MROH2A: variants seen among roughly 807,000 people sequenced by gnomAD.
The protein encoded by MROH2A is maestro heat-like repeat-containing protein family member 2A.
MROH2A carries 174 observed loss-of-function variants against 200.4 expected under a neutral mutation model. That is an observed-to-expected ratio of 0.87 (90% confidence interval 0.77 to 0.98). The LOEUF (loss-of-function observed/expected upper bound fraction) is 0.98. MROH2A is among the 50% of genes least tolerant of loss of function. The probability of loss-of-function intolerance (pLI) is 0.00; values close to 1 mark genes in which losing one functional copy is unlikely to be tolerated. For missense variants in MROH2A, 2,045 were observed against 2,139.6 expected (o/e 0.96, Z 0.87); for synonymous variants, 829 against 840.4 (o/e 0.99, Z 0.23).
At position 233,820,264 on chromosome 2, in the gene MROH2A, C is replaced by T. The variant is rs1042498052; in HGVS notation, c.3512+208C>T. ...AGCCCAGGCTTGTAGAACTTCGCCA[C>T]ATGGAGCTGGAATCTGGACCCGTAG... On this transcript the variant is annotated intron_variant, in intron 31 of 41. Coordinates refer to ENST00000389758, the MANE Select transcript of MROH2A (RefSeq NM_001394639.1). This position sits in a 1 kb window ranked among gnomAD's most constrained non-coding sequence, Gnocchi z 4.1. Among the ~76,000 whole-genome samples the T allele has an allele frequency of 6.6e-6, 1 of 152,198 alleles. No homozygotes were observed. The highest frequency in any genetic ancestry group is 2.4e-5 in the African/African-American group (1 of 41,446).
At chr2:233,831,689 T>C (rs1445014802) in intron 39 of MROH2A, 149 bp downstream of exon 39, 5 of 897,564 alleles carry the variant, frequency 5.6e-6, no homozygotes, top group Non-Finnish European at 8.1e-6. Context: ...GCAGCAGAAA[T>C]AGAAGGCAAG....
At chr2:233,792,603 G>A (rs905371432) in intron 5 of MROH2A, among the ~76,000 whole-genome samples, 193 bp from the exon 6 acceptor site, 7 of 152,048 alleles carry the variant, frequency 4.6e-5, no homozygotes, top group South Asian at 2.1e-4. Flanking sequence ...GTGAGACACC[G>A]TGCCCTTCTA....
intron 3 of MROH2A, 57 bp downstream of exon 3, chr2:233,779,909 A>G: frequency 2.2e-6 from 3 of 1,334,592 alleles, no homozygotes; most frequent in South Asian, 2.7e-5. Context: ...GCATCCATCC[A>G]CCACCCAGCA....
rs1575935209 is a variant in MROH2A at position 233,795,988 on chromosome 2, C to T, written c.1081C>T (p.Gln361Ter). 1 of 1,550,614 alleles carries T rather than the reference C, an allele frequency of 6.4e-7. No homozygotes were observed. Among genetic ancestry groups the T allele is most frequent in the East Asian group, 2.4e-5 (1 of 40,912 alleles). The change falls in exon 10 of 42, where the codon CAG (glutamine) becomes TAG (stop). Residue 361 changes from glutamine (Q) to a stop codon, truncating the protein, a stop_gained. Coordinates refer to ENST00000389758, the MANE Select transcript of MROH2A (RefSeq NM_001394639.1). LOFTEE classifies it high-confidence loss of function. ...CCAGGTGTGCAACAAGGCCCCGGCC[C>T]AGCATCAGTACAGCAGCCAGAATCT... The part of the protein sequence containing the change: ...HVQVCNKAPA[Q>*]HQYSSQNLME...
rs956583744 is a variant in MROH2A at position 233,807,365 on chromosome 2, C to T, written c.2053-58C>T. 2 of 1,495,100 alleles carry T rather than the reference C, an allele frequency of 1.3e-6. No homozygotes were observed. The highest frequency in any genetic ancestry group is 2.3e-5 in the Admixed American group (1 of 43,206). 92.6% of individuals were successfully genotyped at this position (1,495,100 alleles called of 1,614,324 possible). ...ACGTAGAAAACTCTCTACAACAGCACCCCCTGAAGGCTGGCTGTAGGGAGG... is the reference window on the plus strand; with the variant it reads ...ACGTAGAAAACTCTCTACAACAGCATCCCCTGAAGGCTGGCTGTAGGGAGG... On this transcript the variant is annotated intron_variant, in intron 19 of 41. Coordinates refer to ENST00000389758, the MANE Select transcript of MROH2A (RefSeq NM_001394639.1). This position sits in a 1 kb window ranked among gnomAD's most constrained non-coding sequence, Gnocchi z 4.3.
rs539913024 is a variant in MROH2A, at chr2:233,798,706, T to C, written c.1253-68T>C. 1.7e-5 allele frequency: 20 copies of C among 1,153,190 alleles called. 1 individual carries two copies. In the South Asian group the frequency reaches 2.6e-4, roughly 15 times the overall value. 71.4% of individuals were successfully genotyped at this position (1,153,190 alleles called of 1,614,324 possible). On this transcript the variant is annotated intron_variant, in intron 11 of 41. Coordinates refer to ENST00000389758, the MANE Select transcript of MROH2A (RefSeq NM_001394639.1). ...GAGGAGACAGAACGTGAGGCCCTGA[T>C]GTGGGACGAGCCACCTGACCTCTCC...
intron 33 of MROH2A, 149 bp downstream of exon 33, chr2:233,822,705 G>A: frequency 8.9e-7 from 1 of 1,122,926 alleles, no homozygotes; most frequent in Non-Finnish European, 1.3e-6. Context: ...TCTCATGTGT[G>A]TCAAGCACGG....
At chr2:233,788,713 A>T (rs1470366638) in intron 3 of MROH2A, among the ~76,000 whole-genome samples, 4 of 151,746 alleles carry the variant, frequency 2.6e-5, no homozygotes, top group Non-Finnish European at 5.9e-5. Flanking sequence ...CGAGGCCGGC[A>T]GATCACGAGG....
chr2:233,779,119 A>G (rs994524463), intron 1 of MROH2A, among the ~76,000 whole-genome samples: 16 of 152,224 alleles, frequency 1.1e-4, no homozygotes, highest in African/African-American at 3.9e-4. Flanking sequence ...CTCATGTGGC[A>G]TAGTGTGATC....
Position 233,822,456 on chromosome 2 carries a change from C to T in MROH2A, c.3766C>T (p.Gln1256Ter). Residue 1256 changes from glutamine (Q) to a stop codon, truncating the protein, a stop_gained, in exon 33 of 42, where the codon CAG (glutamine) becomes TAG (stop). Coordinates refer to ENST00000389758, the MANE Select transcript of MROH2A (RefSeq NM_001394639.1). LOFTEE classifies it high-confidence loss of function. ...LPDLIYTLLL[Q>*]LGSSHRPEAA... Reference sequence around the variant, plus strand: ...TGACCTCATCTACACCCTCCTGCTGCAGCTTGGAAGCAGCCACCGACCAGA... The same window carrying T: ...TGACCTCATCTACACCCTCCTGCTGTAGCTTGGAAGCAGCCACCGACCAGA... 6.4e-7 allele frequency: 1 copy of T among 1,550,984 alleles called. No homozygotes were observed. Among genetic ancestry groups the T allele is most frequent in the Non-Finnish European group, 8.7e-7 (1 of 1,147,090 alleles).
chr2:233,800,222 G>C lies in MROH2A; in HGVS notation c.1467G>C (p.Lys489Asn), dbSNP rs11563246. Residue 489 changes from lysine to asparagine, a missense_variant, in exon 14 of 42, where the codon AAG becomes AAC. Lys to Asn is a moderately conservative substitution (Grantham distance 94). Coordinates refer to ENST00000389758, the MANE Select transcript of MROH2A (RefSeq NM_001394639.1). ...TCTTCCAGACAAATCGCCGGGAGAA[G>C]TTTTATCAGAGGGACTTGGAGGAGA... The part of the protein sequence containing the change: ...STYKLTNRRE[K>N]FYQRDLEERM... The C allele has an allele frequency of 0.088, 136,851 of 1,548,498 alleles. 14,854 individuals are homozygous for C. Among genetic ancestry groups the C allele is most frequent in the African/African-American group, 0.49 (35,706 of 72,852 alleles).
chr2:233,818,640 T>C lies in MROH2A; in HGVS notation c.3086-12T>C. On this transcript the variant is annotated splice_polypyrimidine_tract_variant and intron_variant, in intron 28 of 41. Coordinates refer to ENST00000389758, the MANE Select transcript of MROH2A (RefSeq NM_001394639.1). ...TCCCTGCTGGTCATTTCTGAAGTTG[T>C]ATTCCCGACAGCAAGCCAGACCTGC... 3.3e-6 allele frequency: 5 copies of C among 1,511,048 alleles called. No individual in the cohort carries two copies. The highest frequency in any genetic ancestry group is 4.5e-6 in the Non-Finnish European group (5 of 1,112,494). 93.6% of individuals were successfully genotyped at this position (1,511,048 alleles called of 1,614,324 possible).
chr2:233,814,650 C>T lies in MROH2A; in HGVS notation c.2829C>T (p.Asp943=). The change falls in exon 26 of 42, where the codon GAC becomes GAT. Residue 943 remains aspartate (D), a synonymous_variant. Transcript: ENST00000389758. ...LMESLLQRQL[D]PKGLQEMVQL... is the part of the protein sequence containing the mutation. ...AGAGCCTCCTGCAGAGGCAGCTGGACCCCAAGGGGCTGCAGGAGATGGTGC... is the reference window on the plus strand; with the variant it reads ...AGAGCCTCCTGCAGAGGCAGCTGGATCCCAAGGGGCTGCAGGAGATGGTGC... The T allele has an allele frequency of 6.4e-7, 1 of 1,550,440 alleles. No individual in the cohort carries two copies. Among genetic ancestry groups the T allele is most frequent in the East Asian group, 2.4e-5 (1 of 40,900 alleles).
intron 3 of MROH2A, among the ~76,000 whole-genome samples, chr2:233,781,917 GT>G (rs1700974233): frequency 6.6e-6 from 1 of 152,126 alleles, no homozygotes; most frequent in South Asian, 2.1e-4. Context: ...AGAGATAGGG[GT>G]TTAGTTTCAT....
intron 21 of MROH2A, 131 bp from the exon 22 acceptor site, chr2:233,808,995 C>A: frequency 1.0e-6 from 1 of 965,928 alleles, no homozygotes; most frequent in South Asian, 1.7e-5. Flanking sequence ...TTTCAGGCAC[C>A]CAGAAAACAG....
In MROH2A at chr2:233,779,672, T is replaced by A. The variant is rs1167299088; in HGVS notation, c.96T>A (p.Gly32=). Residue 32 remains glycine (G), a splice_region_variant and synonymous_variant, in exon 3 of 42, where the codon GGT becomes GGA. Coordinates refer to ENST00000389758, the MANE Select transcript of MROH2A (RefSeq NM_001394639.1). The stretch of plus-strand genomic sequence containing the variant: ...CCTGGGTGGCGTTTGTTTTCATAGG[T>A]ACCTTTCAACAAGTCGTGAACCTTC... ...DLGPLELHDS[G]TFQQVVNLLD... The A allele has an allele frequency of 6.4e-7, 1 of 1,550,902 alleles. No individual in the cohort carries two copies. Among genetic ancestry groups the A allele is most frequent in the Non-Finnish European group, 8.7e-7 (1 of 1,147,062 alleles).
chr2:233,782,155 A>G (rs1181355567), intron 3 of MROH2A, among the ~76,000 whole-genome samples: 2 of 152,154 alleles, frequency 1.3e-5, no homozygotes, highest in Non-Finnish European at 2.9e-5. Context: ...ATCAGGTAGT[A>G]TGATGCCTCC....
intron 3 of MROH2A, among the ~76,000 whole-genome samples, chr2:233,782,001 C>T (rs1700977404): frequency 6.6e-6 from 1 of 152,052 alleles, no homozygotes; most frequent in African/African-American, 2.4e-5. Flanking sequence ...ATTATATGTG[C>T]CTAGCACCTT....
In MROH2A at chr2:233,796,251, C is replaced by CA; in HGVS notation, c.1193dup (p.Asn398LysfsTer14). 1 of 1,534,454 alleles carries CA rather than the reference C, an allele frequency of 6.5e-7. No individual in the cohort carries two copies. Among genetic ancestry groups the CA allele is most frequent in the East Asian group, 2.5e-5 (1 of 39,972 alleles). The stretch of plus-strand genomic sequence containing the variant: ...AAGTTCTTCTTCAGCCAGATGGAGA[C>CA]AAACAAGGAGGCCGTCCGCGTGGGG... On this transcript the variant is annotated frameshift_variant, in exon 11 of 42. Coordinates refer to ENST00000389758, the MANE Select transcript of MROH2A (RefSeq NM_001394639.1). LOFTEE classifies it high-confidence loss of function.
Sources: gnomAD v4.1 joint callset for allele counts (sites outside exome capture counted in the v4.1 genomes callset) on GRCh38, gnomAD v4.1.1 for gene constraint, Gnocchi (gnomAD v3.1) non-coding constraint, MANE v1.5 for transcripts, NCBI Gene and HGNC (gene_info 2026-07-23, HGNC 2026-07-21) for gene names.